CRISPLD1: variants seen among roughly 807,000 people sequenced by gnomAD.
CRISPLD1 encodes cysteine-rich secretory protein LCCL domain-containing 1.
CRISPLD1 carries 60 observed loss-of-function variants against 77.5 expected under a neutral mutation model. The observed-to-expected ratio is 0.77, with a 90% CI of 0.63 to 0.96. CRISPLD1 has a LOEUF of 0.96. CRISPLD1 is among the 40% of genes least tolerant of loss of function. The pLI is 0.00. For synonymous variants in CRISPLD1, 195 were observed against 200.1 expected (o/e 0.97, Z 0.22); for missense variants, 623 against 615.8 (o/e 1.01, Z -0.12).
intron 2 of CRISPLD1, among the ~76,000 whole-genome samples, chr8:74,995,801 C>A (rs571161357): frequency 3.3e-5 from 5 of 151,864 alleles, no homozygotes; most frequent in Non-Finnish European, 7.4e-5. Flanking sequence ...AAAATGGATG[C>A]CTTTATTTAA....
chr8:75,004,200 T>C lies in CRISPLD1; in HGVS notation c.259-8233T>C, dbSNP rs1032499989. Among the ~76,000 whole-genome samples the C allele has an allele frequency of 5.3e-5, 8 of 152,188 alleles. 1 individual carries two copies. Among genetic ancestry groups the C allele is most frequent in the Admixed American group, 5.2e-4 (8 of 15,280 alleles). Reference sequence around the variant, plus strand: ...CTTTCTCAGTAGTTGGCAAAGTCACTGTGCCCTGTAACACAAGTGTTTCCT... The same window carrying C: ...CTTTCTCAGTAGTTGGCAAAGTCACCGTGCCCTGTAACACAAGTGTTTCCT... On this transcript the variant is annotated intron_variant, in intron 2 of 14. Coordinates refer to ENST00000262207, the MANE Select transcript of CRISPLD1 (RefSeq NM_031461.6).
In CRISPLD1 at chr8:75,012,571, T is replaced by C; in HGVS notation, c.377+20T>C. On this transcript the variant is annotated intron_variant, in intron 3 of 14. Coordinates refer to ENST00000262207, the MANE Select transcript of CRISPLD1 (RefSeq NM_031461.6). The stretch of plus-strand genomic sequence containing the variant: ...GGGAAGGTATCTTAAAGCACAACTT[T>C]TTCTTTATGAAAAAATAAGTGTTTA... 1 of 1,474,578 alleles carries C rather than the reference T, an allele frequency of 6.8e-7. No individual in the cohort carries two copies. The highest frequency in any genetic ancestry group is 9.5e-7 in the Non-Finnish European group (1 of 1,053,396). The allele number at this position is 1,474,578 out of a possible 1,614,324, so 91.3% of individuals were successfully genotyped here.
At chr8:75,006,520 G>A (rs1311604036) in intron 2 of CRISPLD1, among the ~76,000 whole-genome samples, 3 of 151,952 alleles carry the variant, frequency 2.0e-5, no homozygotes, top group African/African-American at 7.3e-5. Flanking sequence ...ATCCAGTTTG[G>A]TGAAAGTTTC....
intron 6 of CRISPLD1, among the ~76,000 whole-genome samples, chr8:75,015,398 TAAG>T (rs1335904316): frequency 1.3e-5 from 2 of 152,134 alleles, no homozygotes; most frequent in Non-Finnish European, 2.9e-5. Context: ...GCTAAAATAA[TAAG>T]AAAAGTATAA....
At chr8:74,987,561 A>G (rs892597315) in intron 2 of CRISPLD1, among the ~76,000 whole-genome samples, 1 of 152,202 alleles carries the variant, frequency 6.6e-6, no homozygotes, top group Non-Finnish European at 1.5e-5. Context: ...TATGGTTTAA[A>G]TATAATATCT....
intron 2 of CRISPLD1, among the ~76,000 whole-genome samples, chr8:75,009,407 G>T (rs539240049): frequency 3.3e-5 from 5 of 151,990 alleles, no homozygotes; most frequent in Non-Finnish European, 7.4e-5. Flanking sequence ...TTTATTAGAA[G>T]TGAGTCACTA....
chr8:74,998,996 A>G (rs953991183), intron 2 of CRISPLD1, among the ~76,000 whole-genome samples: 3 of 152,092 alleles, frequency 2.0e-5, no homozygotes, highest in Non-Finnish European at 4.4e-5. Context: ...ACCAAATAGC[A>G]TGTTTGGGGC....
intron 2 of CRISPLD1, among the ~76,000 whole-genome samples, chr8:74,995,714 A>G (rs528252713): frequency 1.4e-4 from 21 of 152,330 alleles, no homozygotes; most frequent in African/African-American, 3.6e-4. Flanking sequence ...ATTAGGGAAC[A>G]TATCTCAATT....
At chr8:75,028,823 ATTCTT>A (rs1490880582) in intron 13 of CRISPLD1, among the ~76,000 whole-genome samples, 1 of 152,096 alleles carries the variant, frequency 6.6e-6, no homozygotes, top group Non-Finnish European at 1.5e-5. Context: ...TTTTAGGGTT[ATTCTT>A]TTAGGCAAAG....
chr8:75,002,498 AAAT>A (rs966553756), intron 2 of CRISPLD1, among the ~76,000 whole-genome samples: 17 of 151,236 alleles, frequency 1.1e-4, no homozygotes, highest in Admixed American at 2.0e-4. Context: ...GTAAAAAAAA[AAAT>A]AATAATAATG....
rs891549756 is a variant in CRISPLD1, at chr8:74,984,593, C to G, written c.-390C>G. 1.3e-5 allele frequency: 2 copies of G among 152,738 alleles called. No individual in the cohort carries two copies. Among genetic ancestry groups the G allele is most frequent in the Non-Finnish European group, 2.9e-5 (2 of 68,482 alleles). 9.5% of individuals were successfully genotyped at this position (152,738 alleles called of 1,614,324 possible). A position where few individuals can be genotyped will look rare whatever the true frequency, so the allele number is the denominator to read the frequency against. ...CCAGCCTCCGCCGCCGAGCCTCGTT[C>G]GTGTCCCCGCCCCTCGCTCCTGCAG... On this transcript the variant is annotated 5_prime_UTR_variant, in exon 1 of 15. Transcript: ENST00000262207.
At position 75,033,905 on chromosome 8, in the gene CRISPLD1, C is replaced by T. The variant is rs550768221; in HGVS notation, c.*1663C>T. ...TTTTTTCGAAAGGATACATGACCACCTTCTTAAATAGTATGACTTTACATA... is the reference window on the plus strand; with the variant it reads ...TTTTTTCGAAAGGATACATGACCACTTTCTTAAATAGTATGACTTTACATA... On this transcript the variant is annotated 3_prime_UTR_variant, in exon 15 of 15. Coordinates refer to ENST00000262207, the MANE Select transcript of CRISPLD1 (RefSeq NM_031461.6). 2.6e-4 allele frequency: 40 copies of T among 152,074 alleles called. No homozygotes were observed. Among genetic ancestry groups the T allele is most frequent in the African/African-American group, 8.7e-4 (36 of 41,538 alleles). The allele number at this position is 152,074 out of a possible 1,614,324, so 9.4% of individuals were successfully genotyped here.
intron 2 of CRISPLD1, among the ~76,000 whole-genome samples, chr8:74,995,619 A>C (rs1446246273): frequency 6.6e-6 from 1 of 152,192 alleles, no homozygotes; most frequent in Non-Finnish European, 1.5e-5. Flanking sequence ...TGACTACAGC[A>C]ATGTGCCACT....
At chr8:75,026,075 T>C (rs946144022) in intron 13 of CRISPLD1, among the ~76,000 whole-genome samples, 5 of 139,874 alleles carry the variant, frequency 3.6e-5, no homozygotes, top group African/African-American at 1.2e-4. Flanking sequence ...TGAGGGGATG[T>C]TGTAAGAGAT....
rs749985555 is a variant in CRISPLD1, at chr8:75,016,865, AT to A, written c.869-9del. 1.0e-5 allele frequency: 16 copies of A among 1,555,902 alleles called. No homozygotes were observed. The highest frequency in any genetic ancestry group is 3.6e-5 in the Admixed American group (2 of 54,972). On this transcript the variant is annotated splice_polypyrimidine_tract_variant and intron_variant, in intron 7 of 14. Transcript: ENST00000262207. ...TTTATATTATTTAAGTTATTTAGGTATTTTTTTCTTTGTAGCCCAAATTGTT... is the reference window on the plus strand; with the variant it reads ...TTTATATTATTTAAGTTATTTAGGTATTTTTTCTTTGTAGCCCAAATTGTT...
intron 2 of CRISPLD1, among the ~76,000 whole-genome samples, chr8:74,993,072 T>C (rs1812597658): frequency 6.6e-6 from 1 of 152,168 alleles, no homozygotes; most frequent in Non-Finnish European, 1.5e-5. Flanking sequence ...ATTCATATTT[T>C]CTAACATTAT....
chr8:74,985,387 A>G (rs778682459), intron 1 of CRISPLD1, among the ~76,000 whole-genome samples: 4 of 152,216 alleles, frequency 2.6e-5, no homozygotes, highest in South Asian at 2.1e-4. Context: ...ATGGATGCAT[A>G]TATGAATAGC....
chr8:75,003,965 T>C (rs535297979), intron 2 of CRISPLD1, among the ~76,000 whole-genome samples: 9 of 152,188 alleles, frequency 5.9e-5, no homozygotes, highest in Non-Finnish European at 1.2e-4. Context: ...ATTGAAATAA[T>C]CTTGTGAGTA....
intron 6 of CRISPLD1, among the ~76,000 whole-genome samples, chr8:75,015,444 G>A (rs1813011498): frequency 6.6e-6 from 1 of 152,110 alleles, no homozygotes; most frequent in Non-Finnish European, 1.5e-5. Context: ...AAGTAGTACT[G>A]TCAAATGCAT....
Sources: allele counts gnomAD v4.1 joint callset (sites outside exome capture counted in the v4.1 genomes callset), GRCh38; gene constraint gnomAD v4.1.1; transcripts MANE v1.5; gene names NCBI Gene and HGNC (gene_info 2026-07-23, HGNC 2026-07-21).